The following DTD1 variants were observed in gnomAD, a reference collection of about 807,000 sequenced individuals.
The protein encoded by DTD1 is D-tyrosyl-tRNA deacylase 1 homolog.
DTD1 carries 13 observed loss-of-function variants against 25.6 expected under a neutral mutation model. The ratio of observed to expected loss-of-function variants is 0.51; its 90% CI spans 0.33 to 0.81. DTD1 has a LOEUF of 0.81. DTD1 is among the 30% of genes least tolerant of loss of function. DTD1 has a pLI of 0.02. For missense variants in DTD1, 193 were observed against 266.4 expected, an observed-to-expected ratio of 0.72 and a Z score of 1.92; for synonymous variants, 110 against 103.6, an observed-to-expected ratio of 1.06 and a Z score of -0.37.
rs956162222 is a variant in DTD1, at chr20:18,747,255, C to T, written c.*19+2984C>T. 3.9e-5 allele frequency among the ~76,000 whole-genome samples: 6 copies of T among 152,286 alleles called. No individual in the cohort carries two copies. In the East Asian group the frequency reaches 1.2e-3, roughly 29 times the overall value. On this transcript the variant is annotated intron_variant, in intron 5 of 5. Coordinates refer to ENST00000377452, the MANE Select transcript of DTD1 (RefSeq NM_080820.6). ...CGAGGTCTTCTTTCCATCCTGCTAA[C>T]TTTTGGGTGACAGTGAGTAAGTTCT...
At position 18,649,021 on chromosome 20, in the gene DTD1, C is replaced by G. The variant is rs1251380564; in HGVS notation, c.477+20788C>G. Among the ~76,000 whole-genome samples, 4 of 102,662 alleles carry G rather than the reference C, an allele frequency of 3.9e-5. No individual in the cohort carries two copies. The South Asian group carries it at 9.0e-4, about 23-fold the overall frequency. 67.4% of individuals were successfully genotyped at this position (102,662 alleles called of 152,430 possible). A position where few individuals can be genotyped will look rare whatever the true frequency, so the allele number is the denominator to read the frequency against. On this transcript the variant is annotated intron_variant, in intron 4 of 5. Coordinates refer to ENST00000377452, the MANE Select transcript of DTD1 (RefSeq NM_080820.6). ...AAAAAAAAAAAAAAAAAAAAAAAAG[C>G]AAATTTAACTTGTATGTGGAATGAC... is the stretch of plus-strand genomic sequence containing the variant.
intron 5 of DTD1, among the ~76,000 whole-genome samples, chr20:18,762,528 C>G (rs1057038317): frequency 2.0e-5 from 3 of 152,190 alleles, no homozygotes; most frequent in African/African-American, 7.2e-5. Context: ...TCCTTAAGCT[C>G]CCATCCCTCT....
chr20:18,705,689 G>A (rs1039731000), intron 4 of DTD1, among the ~76,000 whole-genome samples: 1 of 152,176 alleles, frequency 6.6e-6, no homozygotes, highest in African/African-American at 2.4e-5. Context: ...CACCGTCTTG[G>A]TGGTCAGGCT....
intron 4 of DTD1, among the ~76,000 whole-genome samples, chr20:18,652,553 G>T (rs1382827123): frequency 1.3e-5 from 2 of 152,328 alleles, no homozygotes; most frequent in Admixed American, 1.3e-4. Flanking sequence ...GGATACACGG[G>T]TAACACTCCT....
At chr20:18,741,059 C>T (rs1374382113) in intron 4 of DTD1, among the ~76,000 whole-genome samples, 2 of 152,234 alleles carry the variant, frequency 1.3e-5, no homozygotes, top group Non-Finnish European at 2.9e-5. Flanking sequence ...TTCATTCCTA[C>T]TTAAAGTGCT....
At chr20:18,717,487 T>A (rs1487885438) in intron 4 of DTD1, among the ~76,000 whole-genome samples, 2 of 152,238 alleles carry the variant, frequency 1.3e-5, no homozygotes, top group Non-Finnish European at 2.9e-5. Context: ...TAGACTAGTA[T>A]CTATGTATAG....
chr20:18,666,248 A>G (rs963405072), intron 4 of DTD1, among the ~76,000 whole-genome samples: 2 of 152,048 alleles, frequency 1.3e-5, no homozygotes, highest in Admixed American at 1.3e-4. Context: ...AAGCTGAAGT[A>G]CTCTTCTCAT....
chr20:18,711,847 C>T (rs552770930), intron 4 of DTD1, among the ~76,000 whole-genome samples: 10 of 145,908 alleles, frequency 6.9e-5, no homozygotes, highest in African/African-American at 2.5e-4. Flanking sequence ...AGTTTGAGAC[C>T]AGGCTGGCCA....
At chr20:18,670,422 C>T (rs2060947820) in intron 4 of DTD1, among the ~76,000 whole-genome samples, 1 of 152,212 alleles carries the variant, frequency 6.6e-6, no homozygotes, top group African/African-American at 2.4e-5. Flanking sequence ...CGCCACTGCA[C>T]TCCAACCTGG....
At chr20:18,634,753 G>A (rs1025469647) in intron 4 of DTD1, among the ~76,000 whole-genome samples, 1 of 152,108 alleles carries the variant, frequency 6.6e-6, no homozygotes, top group African/African-American at 2.4e-5. Flanking sequence ...ATTACATTTG[G>A]TTTTATTTAT....
At chr20:18,624,341 G>T (rs781619758) in intron 3 of DTD1, among the ~76,000 whole-genome samples, 2 of 152,348 alleles carry the variant, frequency 1.3e-5, no homozygotes, top group Admixed American at 6.5e-5. Flanking sequence ...AAATGCACTG[G>T]ATTTGAATGC....
chr20:18,666,364 TTCC>T (rs1163010387), intron 4 of DTD1, among the ~76,000 whole-genome samples: 3 of 152,238 alleles, frequency 2.0e-5, no homozygotes, highest in Admixed American at 6.5e-5. Context: ...TTTTTCTCTT[TTCC>T]TCCTCTGTTC....
intron 3 of DTD1, among the ~76,000 whole-genome samples, chr20:18,620,553 T>A (rs1272251337): frequency 6.6e-6 from 1 of 152,216 alleles, no homozygotes; most frequent in Non-Finnish European, 1.5e-5. Context: ...TTTTTATTTT[T>A]AAAAATTTTC....
intron 4 of DTD1, among the ~76,000 whole-genome samples, chr20:18,741,159 C>T (rs1261143021): frequency 6.6e-6 from 1 of 152,226 alleles, no homozygotes; most frequent in Non-Finnish European, 1.5e-5. Context: ...ATTGTACTTT[C>T]TCAGCATCTA....
chr20:18,612,264 G>A (rs1639349182), intron 3 of DTD1, among the ~76,000 whole-genome samples: 1 of 151,838 alleles, frequency 6.6e-6, no homozygotes, highest in South Asian at 2.1e-4. Flanking sequence ...TCAATCTCCT[G>A]ACCTCGTGAT....
intron 4 of DTD1, among the ~76,000 whole-genome samples, chr20:18,737,405 C>A (rs1346120634): frequency 6.7e-6 from 1 of 149,420 alleles, no homozygotes; most frequent in Non-Finnish European, 1.5e-5. Context: ...GCCCTGGAGA[C>A]CCCCCCATAC....
chr20:18,717,281 C>T (rs1345542044), intron 4 of DTD1, among the ~76,000 whole-genome samples: 1 of 152,146 alleles, frequency 6.6e-6, no homozygotes, highest in East Asian at 1.9e-4. Flanking sequence ...GAAGTGGCTA[C>T]AAAATGATTA....
At chr20:18,640,417 C>T (rs115711429) in intron 4 of DTD1, among the ~76,000 whole-genome samples, 125 of 151,902 alleles carry the variant, frequency 8.2e-4, no homozygotes, top group African/African-American at 2.9e-3. Flanking sequence ...TCAGAGGTAG[C>T]GCCGTTAATA....
chr20:18,758,980 C>T (rs1179303744), intron 5 of DTD1, among the ~76,000 whole-genome samples: 2 of 152,160 alleles, frequency 1.3e-5, no homozygotes, highest in African/African-American at 4.8e-5. Context: ...ATCTCTTTAC[C>T]ATTATGTAAT....
Sources: gnomAD v4.1 joint callset for allele counts (sites outside exome capture counted in the v4.1 genomes callset) on GRCh38, gnomAD v4.1.1 for gene constraint, MANE v1.5 for transcripts, NCBI Gene and HGNC (gene_info 2026-07-23, HGNC 2026-07-21) for gene names.